The following BIRC6 variants were observed in gnomAD, a reference collection of about 807,000 sequenced individuals.
BIRC6 encodes the protein baculoviral IAP repeat containing 6.
Under a neutral mutation model 503.3 loss-of-function variants are expected in BIRC6, and 98 were observed. That is an observed-to-expected ratio of 0.19 (90% confidence interval 0.17 to 0.23). The LOEUF is 0.23. BIRC6 is among the 10% of genes least tolerant of loss of function. The probability of loss-of-function intolerance (pLI) is 1.00; values close to 1 mark genes in which losing one functional copy is unlikely to be tolerated. For synonymous variants in BIRC6, 2,240 were observed against 2,078.7 expected (o/e 1.08, Z -2.11); for missense variants, 5,360 against 5,806.0 (o/e 0.92, Z 2.50).
rs2042242389 is a variant in BIRC6, at chr2:32,414,792, A to G, written c.1501A>G (p.Met501Val). 1.9e-6 allele frequency: 3 copies of G among 1,613,254 alleles called. No individual in the cohort carries two copies. Among genetic ancestry groups the G allele is most frequent in the Non-Finnish European group, 1.7e-6 (2 of 1,179,316 alleles). ...AGGGCATACATCACAGAAGGAAGCC[A>G]TGGAAGTAAGCCTTGATATAACAGC... ...VTGHTSQKEA[M>V]EVSLDITALS... The change falls in exon 10 of 74, where the codon ATG becomes GTG. Residue 501 changes from methionine (M) to valine (V), a missense_variant. Physicochemically the swap from Met to Val is conservative, Grantham distance 21. Transcript: ENST00000421745.
intron 59 of BIRC6, among the ~76,000 whole-genome samples, chr2:32,526,260 GC>G (rs2056262784): frequency 6.6e-6 from 1 of 152,150 alleles, no homozygotes; most frequent in Admixed American, 6.5e-5. Context: ...TTTTGAGCAT[GC>G]CCGATTCCTC....
chr2:32,411,298 C>G (rs1032673833), intron 9 of BIRC6, among the ~76,000 whole-genome samples: 8 of 151,860 alleles, frequency 5.3e-5, no homozygotes, highest in Admixed American at 1.3e-4. Flanking sequence ...CTCACCCTGC[C>G]AAAGTGCTGG....
chr2:32,362,188 A>T (rs1259684525), intron 1 of BIRC6, among the ~76,000 whole-genome samples: 1 of 151,992 alleles, frequency 6.6e-6, no homozygotes, highest in East Asian at 1.9e-4. Flanking sequence ...TGGGGGTTTT[A>T]TATTTTGGCC....
chr2:32,485,532 G>GAACACACTCTTC (rs895042551), intron 39 of BIRC6, 111 bp from the exon 40 acceptor site: 3 of 673,424 alleles, frequency 4.5e-6, no homozygotes, highest in Non-Finnish European at 7.6e-6. Flanking sequence ...TGTTCTGTAA[G>GAACACACTCTTC]AACACACTCT....
At chr2:32,566,457 A>G (rs945068773) in intron 65 of BIRC6, 7 of 152,168 alleles carry the variant, frequency 4.6e-5, no homozygotes, top group African/African-American at 1.7e-4. Context: ...GACTCAAGTG[A>G]TCCTGCCACT....
Position 32,559,361 on chromosome 2 carries a change from T to C in BIRC6, c.13144+9880T>C, listed in dbSNP as rs941142727. ...CAAGCTGCACTTGGAGACATGGTGT[T>C]GCATAACAGCGTGTTGTGCCTCTGT... On this transcript the variant is annotated intron_variant, in intron 65 of 73. Transcript: ENST00000421745. Among the ~76,000 whole-genome samples the C allele has an allele frequency of 7.2e-5, 11 of 152,230 alleles. No individual in the cohort carries two copies. In the South Asian group the frequency reaches 2.3e-3, roughly 31 times the overall value.
At chr2:32,390,887 G>C (rs1257409989) in intron 4 of BIRC6, among the ~76,000 whole-genome samples, 1 of 152,114 alleles carries the variant, frequency 6.6e-6, no homozygotes, top group Admixed American at 6.5e-5. Flanking sequence ...TTTATTAGTC[G>C]TATTAACAAT....
intron 65 of BIRC6, among the ~76,000 whole-genome samples, chr2:32,559,541 T>G (rs997961324): frequency 6.6e-6 from 1 of 152,220 alleles, no homozygotes; most frequent in South Asian, 2.1e-4. Flanking sequence ...TATGTTGTTT[T>G]GTGCTTTAAC....
At chr2:32,486,102 T>TG (rs1468227948) in intron 40 of BIRC6, among the ~76,000 whole-genome samples, 1 of 152,206 alleles carries the variant, frequency 6.6e-6, no homozygotes, top group East Asian at 1.9e-4. Context: ...AAATTTATGA[T>TG]GAAGTAGATT....
intron 57 of BIRC6, among the ~76,000 whole-genome samples, chr2:32,519,828 T>TC (rs2055451981): frequency 6.6e-6 from 1 of 152,138 alleles, no homozygotes; most frequent in Admixed American, 6.6e-5. Context: ...CATATCAACT[T>TC]TAGATAGTTG....
chr2:32,476,989 C>G (rs1370614746), intron 34 of BIRC6, among the ~76,000 whole-genome samples: 1 of 152,048 alleles, frequency 6.6e-6, no homozygotes, highest in Non-Finnish European at 1.5e-5. Context: ...TGAAGTAACT[C>G]GAATTAATAT....
At chr2:32,417,839 A>T (rs12470951) in intron 10 of BIRC6, among the ~76,000 whole-genome samples, 10,718 of 152,176 alleles carry the variant, frequency 0.07, 506 homozygotes, top group Admixed American at 0.15. Flanking sequence ...GGGTGCAGTT[A>T]CGCAATCTTG....
Position 32,363,342 on chromosome 2 carries a change from G to C in BIRC6, c.325+5856G>C, listed in dbSNP as rs115090786. On this transcript the variant is annotated intron_variant, in intron 1 of 73. Coordinates refer to ENST00000421745, the MANE Select transcript of BIRC6 (RefSeq NM_016252.4). ...GTCTCAAACAAACAAACAAAAACAA[G>C]AAAACCTTGCTTTTTTTTTCTTTTT... 8.3e-3 allele frequency among the ~76,000 whole-genome samples: 1,257 copies of C among 152,104 alleles called. 9 individuals carry two copies. Among genetic ancestry groups the C allele is most frequent in the Middle Eastern group, 0.02 (6 of 294 alleles).
At chr2:32,460,978 A>G (rs1293874940) in intron 23 of BIRC6, among the ~76,000 whole-genome samples, 1 of 147,228 alleles carries the variant, frequency 6.8e-6, no homozygotes, top group African/African-American at 2.5e-5. Flanking sequence ...TATGAGATGC[A>G]ATTGCTCTGC....
chr2:32,487,306 T>G (rs564564814), intron 40 of BIRC6, among the ~76,000 whole-genome samples: 2 of 152,310 alleles, frequency 1.3e-5, no homozygotes, highest in African/African-American at 2.4e-5. Flanking sequence ...TAAAACTACC[T>G]TATCAATAAT....
intron 12 of BIRC6, among the ~76,000 whole-genome samples, chr2:32,431,769 T>C (rs926832805): frequency 1.3e-5 from 2 of 152,234 alleles, no homozygotes; most frequent in Non-Finnish European, 2.9e-5. Flanking sequence ...GCAGGCACTC[T>C]TATAGTCACT....
chr2:32,445,626 T>C lies in BIRC6; in HGVS notation c.4442T>C (p.Leu1481Ser). The stretch of plus-strand genomic sequence containing the variant: ...TTGCTTACTGCAGTGTCCAGACAGT[T>C]ACAGGACAGGCTAACACCAATGGAG... ...ASLLTAVSRQLQDRLTPMEAL... is the reference protein window; with the variant it reads ...ASLLTAVSRQSQDRLTPMEAL... The change falls in exon 21 of 74, where the codon TTA becomes TCA. Residue 1481 changes from leucine (L) to serine (S), a missense_variant. Physicochemically the swap from Leu to Ser is moderately radical, Grantham distance 145. Coordinates refer to ENST00000421745, the MANE Select transcript of BIRC6 (RefSeq NM_016252.4). 1 of 1,601,978 alleles carries C rather than the reference T, an allele frequency of 6.2e-7. No homozygotes were observed. Among genetic ancestry groups the C allele is most frequent in the Non-Finnish European group, 8.5e-7 (1 of 1,173,666 alleles).
intron 59 of BIRC6, chr2:32,529,434 CT>C: frequency 2.4e-6 from 1 of 412,898 alleles, no homozygotes; most frequent in East Asian, 4.1e-5. Context: ...TTGCCCATGA[CT>C]TTTTAACACT....
intron 65 of BIRC6, among the ~76,000 whole-genome samples, chr2:32,568,453 T>C (rs1015660834): frequency 7.1e-6 from 1 of 140,504 alleles, no homozygotes; most frequent in African/African-American, 2.6e-5. Flanking sequence ...GGTTACACCA[T>C]TGCACTCCAG....
Sources: allele counts gnomAD v4.1 joint callset (sites outside exome capture counted in the v4.1 genomes callset), GRCh38; gene constraint gnomAD v4.1.1; transcripts MANE v1.5; gene names NCBI Gene and HGNC (gene_info 2026-07-23, HGNC 2026-07-21).